Variants in GTSF1 observed in about 807,000 individuals in gnomAD.
GTSF1 encodes the protein gametocyte specific factor 1, also known as gametocyte-specific factor 1.
Under a neutral mutation model 28.9 loss-of-function variants are expected in GTSF1, and 11 were observed. The observed-to-expected ratio is 0.38, with a 90% CI of 0.24 to 0.63. The LOEUF (loss-of-function observed/expected upper bound fraction) is 0.63, where lower values mean the gene tolerates loss of function less well. GTSF1 is among the 30% of genes least tolerant of loss of function. The pLI, the probability that GTSF1 is intolerant of heterozygous loss-of-function variation, is 0.56. For synonymous variants in GTSF1, 69 were observed against 65.6 expected (o/e 1.05, Z -0.25); for missense variants, 146 against 201.0 (o/e 0.73, Z 1.66).
Position 54,463,225 on chromosome 12 carries a change from T to C in GTSF1, c.190A>G (p.Ile64Val), listed in dbSNP as rs1956452576. ...NARHQVPRAE[I>V]SHHISSCDDR... The stretch of plus-strand genomic sequence containing the variant: ...TCACAGCTTGAGATATGATGACTAA[T>C]TTCAGCTCGAGGAACCTGGTGGCGA... The change falls in exon 4 of 9, where the codon ATT becomes GTT. Residue 64 changes from isoleucine (I) to valine (V), a missense_variant. Transcript: ENST00000305879. The C allele has an allele frequency of 6.2e-7, 1 of 1,613,992 alleles. No individual in the cohort carries two copies. Among genetic ancestry groups the C allele is most frequent in the African/African-American group, 1.3e-5 (1 of 75,064 alleles).
intron 2 of GTSF1, among the ~76,000 whole-genome samples, chr12:54,470,878 C>G (rs1484510678): frequency 6.6e-6 from 1 of 152,076 alleles, no homozygotes. Context: ...AGAATCCTTC[C>G]CAGATTTCTT....
chr12:54,459,135 G>T lies in GTSF1; in HGVS notation c.488-10C>A. The T allele has an allele frequency of 6.2e-7, 1 of 1,602,290 alleles. No individual in the cohort carries two copies. Among genetic ancestry groups the T allele is most frequent in the South Asian group, 1.1e-5 (1 of 89,794 alleles). ...TACTGTGCATTTCCATCTACAAGTA[G>T]AAATATTTCAAAATAAATACACCAT... On this transcript the variant is annotated splice_polypyrimidine_tract_variant and intron_variant, in intron 7 of 8. Transcript: ENST00000305879.
At chr12:54,461,436 G>T (rs1452404694) in intron 6 of GTSF1, among the ~76,000 whole-genome samples, 2 of 152,100 alleles carry the variant, frequency 1.3e-5, no homozygotes, top group Non-Finnish European at 2.9e-5. Flanking sequence ...ACTTTGGGAG[G>T]CAGAGGGGGG....
chr12:54,467,312 T>C (rs1370158928), intron 2 of GTSF1, among the ~76,000 whole-genome samples: 1 of 149,446 alleles, frequency 6.7e-6, no homozygotes, highest in African/African-American at 2.5e-5. Context: ...GTGTGTTTTT[T>C]TTGTTTTTTG....
intron 6 of GTSF1, among the ~76,000 whole-genome samples, chr12:54,461,078 A>G (rs114588029): frequency 0.013 from 1,926 of 152,144 alleles, 20 homozygotes; most frequent in African/African-American, 0.02. Flanking sequence ...ATTGGTGTTA[A>G]TGAGAAATAG....
chr12:54,459,153 T>C (rs1956379773), intron 7 of GTSF1, 28 bp from the exon 8 acceptor site: 2 of 1,593,196 alleles, frequency 1.3e-6, no homozygotes, highest in Non-Finnish European at 1.7e-6. Flanking sequence ...TCAAAATAAA[T>C]ACACCATGTC....
chr12:54,463,475 G>A, intron 3 of GTSF1, 178 bp from the exon 4 acceptor site: 1 of 563,286 alleles, frequency 1.8e-6, no homozygotes, highest in Non-Finnish European at 3.1e-6. Flanking sequence ...TGTTTTTATA[G>A]ACAATTACTT....
chr12:54,457,167 T>C (rs144613429), intron 8 of GTSF1, among the ~76,000 whole-genome samples: 2 of 152,222 alleles, frequency 1.3e-5, no homozygotes, highest in Admixed American at 6.5e-5. Flanking sequence ...GCTTAAGGAT[T>C]CTTATCTAAT....
At chr12:54,469,685 C>T (rs1308079776) in intron 2 of GTSF1, among the ~76,000 whole-genome samples, 6 of 94,222 alleles carry the variant, frequency 6.4e-5, no homozygotes, top group Admixed American at 6.2e-4. Flanking sequence ...GAGACTCCTT[C>T]TCAAAAAAAA....
At chr12:54,469,687 C>CAAA (rs375917825) in intron 2 of GTSF1, among the ~76,000 whole-genome samples, 5,904 of 57,492 alleles carry the variant, frequency 0.1, 300 homozygotes, top group Non-Finnish European at 0.11. Context: ...GACTCCTTCT[C>CAAA]AAAAAAAAAA....
intron 7 of GTSF1, 162 bp from the exon 8 acceptor site, chr12:54,459,287 G>T: frequency 7.0e-7 from 1 of 1,435,444 alleles, no homozygotes; most frequent in Non-Finnish European, 9.1e-7. Context: ...CAAGAGCATG[G>T]GAAAAGAAAA....
intron 1 of GTSF1, chr12:54,472,547 C>G (rs963310617): frequency 6.6e-6 from 1 of 152,166 alleles, no homozygotes; most frequent in Non-Finnish European, 1.5e-5. Flanking sequence ...TTCTATTGAG[C>G]ACTGAGACTA....
chr12:54,459,045 TG>T (rs1265978093), intron 8 of GTSF1, 43 bp downstream of exon 8: 3 of 1,392,564 alleles, frequency 2.2e-6, no homozygotes, highest in Non-Finnish European at 3.0e-6. Context: ...AGTTAAATCT[TG>T]CTACCATCTG....
chr12:54,473,160 A>T (rs1300218730), intron 1 of GTSF1, among the ~76,000 whole-genome samples: 1 of 152,140 alleles, frequency 6.6e-6, no homozygotes, highest in Non-Finnish European at 1.5e-5. Context: ...TAGACAAGCT[A>T]CGCCGGAAGC....
rs1206451018 is a variant in GTSF1, at chr12:54,456,001, T to C, written c.*173A>G. The C allele has an allele frequency of 6.6e-6, 1 of 152,568 alleles. No individual in the cohort carries two copies. Among genetic ancestry groups the C allele is most frequent in the Admixed American group, 6.6e-5 (1 of 15,264 alleles). The allele number at this position is 152,568 out of a possible 1,614,324, so 9.5% of individuals were successfully genotyped here. On this transcript the variant is annotated 3_prime_UTR_variant, in exon 9 of 9. Coordinates refer to ENST00000305879, the MANE Select transcript of GTSF1 (RefSeq NM_144594.3). The stretch of plus-strand genomic sequence containing the variant: ...ATTTGGAAGCTTCTGAGTATGAGGG[T>C]TCTTGCATTAAATGAGGATTCAAGG...
chr12:54,461,844 A>G (rs1283140447), intron 6 of GTSF1, among the ~76,000 whole-genome samples: 1 of 152,248 alleles, frequency 6.6e-6, no homozygotes, highest in Non-Finnish European at 1.5e-5. Flanking sequence ...AGCAAAAAAC[A>G]TAACTAAGAC....
In GTSF1 at chr12:54,471,253, G is replaced by A; in HGVS notation, c.-5C>T. ...CATACTGTAAGTTTCTTCCATGTTG[G>A]AAATGAAGAAGCTGAATCCAAGTGC... is the stretch of plus-strand genomic sequence containing the variant. On this transcript the variant is annotated 5_prime_UTR_variant, in exon 2 of 9. Coordinates refer to ENST00000305879, the MANE Select transcript of GTSF1 (RefSeq NM_144594.3). The A allele has an allele frequency of 1.9e-6, 3 of 1,590,574 alleles. No homozygotes were observed. Among genetic ancestry groups the A allele is most frequent in the Non-Finnish European group, 2.6e-6 (3 of 1,170,718 alleles).
chr12:54,465,408 G>A (rs773721443), intron 2 of GTSF1, among the ~76,000 whole-genome samples: 1 of 152,092 alleles, frequency 6.6e-6, no homozygotes, highest in Non-Finnish European at 1.5e-5. Context: ...TGAACATATT[G>A]TTTTTGTTGC....
chr12:54,466,152 A>G (rs1592321409), intron 2 of GTSF1, among the ~76,000 whole-genome samples: 1 of 152,228 alleles, frequency 6.6e-6, no homozygotes, highest in Non-Finnish European at 1.5e-5. Context: ...CTGTGCCCCA[A>G]ATTTTAACAA....
Sources: allele counts gnomAD v4.1 joint callset (sites outside exome capture counted in the v4.1 genomes callset), GRCh38; gene constraint gnomAD v4.1.1; transcripts MANE v1.5; gene names NCBI Gene and HGNC (gene_info 2026-07-23, HGNC 2026-07-21).